PDE6A: variants seen among roughly 807,000 people sequenced by gnomAD.
PDE6A encodes the protein phosphodiesterase 6A.
In PDE6A, 84 loss-of-function variants were observed where a neutral mutation model predicts 106.3. The observed-to-expected ratio is 0.79, with a 90% confidence interval of 0.66 to 0.95. The LOEUF is 0.95. PDE6A is among the 40% of genes least tolerant of loss of function. The probability of loss-of-function intolerance (pLI) is 0.00; values close to 1 mark genes in which losing one functional copy is unlikely to be tolerated. For synonymous variants in PDE6A, 394 were observed against 386.6 expected (o/e 1.02, Z -0.23); for missense variants, 1,052 against 1,084.9 (o/e 0.97, Z 0.43).
chr5:149,944,592 A>T lies in PDE6A; in HGVS notation c.82T>A (p.Tyr28Asn). Residue 28 changes from tyrosine to asparagine, a missense_variant, in exon 1 of 22, where the codon TAC becomes AAC. Tyr to Asn is a moderately radical substitution (Grantham distance 143, BLOSUM62 -2). This residue lies in a region of PDE6A where 913 missense variants were observed against 915.2 expected (regional missense o/e 1.00). Transcript: ENST00000255266. The part of the protein sequence containing the change: ...GFAKQYYNLH[Y>N]RAKLISDLLG... ...AGGTCGGAGATGAGCTTGGCCCGGTAGTGGAGGTTGTAGTACTGTTTGGCA... is the reference window on the plus strand; with the variant it reads ...AGGTCGGAGATGAGCTTGGCCCGGTTGTGGAGGTTGTAGTACTGTTTGGCA... 4 of 1,614,004 alleles carry T rather than the reference A, an allele frequency of 2.5e-6. No homozygotes were observed. The highest frequency in any genetic ancestry group is 3.4e-6 in the Non-Finnish European group (4 of 1,179,990).
intron 13 of PDE6A, among the ~76,000 whole-genome samples, chr5:149,891,528 G>A (rs746801353): frequency 3.9e-5 from 6 of 152,136 alleles, no homozygotes; most frequent in Non-Finnish European, 7.3e-5. Flanking sequence ...GGGGCCAGGC[G>A]TGGTAACTCA....
chr5:149,873,523 G>C (rs1439736863), intron 17 of PDE6A, among the ~76,000 whole-genome samples: 1 of 151,948 alleles, frequency 6.6e-6, no homozygotes, highest in East Asian at 1.9e-4. Flanking sequence ...ATAGAGACAG[G>C]GTTTCATCAC....
chr5:149,884,919 A>T, intron 14 of PDE6A, 52 bp from the exon 15 acceptor site: 1 of 1,378,300 alleles, frequency 7.3e-7, no homozygotes, highest in East Asian at 2.3e-5. Context: ...GAAAATTAGG[A>T]CTAAACATCA....
intron 21 of PDE6A, among the ~76,000 whole-genome samples, chr5:149,861,240 C>T (rs1331431146): frequency 5.3e-5 from 8 of 152,262 alleles, no homozygotes; most frequent in Non-Finnish European, 1.0e-4. Context: ...ACATGACAAA[C>T]TAGAGACAGC....
At position 149,895,251 on chromosome 5, in the gene PDE6A, G is replaced by C. The variant is rs760233048; in HGVS notation, c.1660C>G (p.Arg554Gly). ...RFMYSLSKGY[R>G]KITYHNWRHG... ...CGCCAGTTGTGGTAGGTGATCTTGC[G>C]GTAGCCCTTACTCAGGGAGTACATG... The change falls in exon 13 of 22, where the codon CGC becomes GGC. Residue 554 changes from arginine (R) to glycine (G), a missense_variant. Transcript: ENST00000255266. The C allele has an allele frequency of 1.2e-6, 2 of 1,614,032 alleles. No homozygotes were observed. Among genetic ancestry groups the C allele is most frequent in the East Asian group, 2.2e-5 (1 of 44,880 alleles).
chr5:149,884,370 A>G (rs1761059154), intron 16 of PDE6A, 109 bp downstream of exon 16: 2 of 718,862 alleles, frequency 2.8e-6, no homozygotes, highest in Non-Finnish European at 5.0e-6. Flanking sequence ...ATATATGTAT[A>G]TATGTGTGTA....
chr5:149,870,404 T>C (rs1195092916), intron 17 of PDE6A, among the ~76,000 whole-genome samples: 1 of 152,222 alleles, frequency 6.6e-6, no homozygotes, highest in Non-Finnish European at 1.5e-5. Flanking sequence ...ACATGTTTAC[T>C]TACTGTCAGA....
chr5:149,903,785 GT>G, intron 7 of PDE6A, 90 bp from the exon 8 acceptor site: 1 of 957,896 alleles, frequency 1.0e-6, no homozygotes, highest in Non-Finnish European at 1.7e-6. Context: ...GAAACACCAT[GT>G]TCTTGTCCAA....
At chr5:149,881,080 A>G (rs777117780) in intron 17 of PDE6A, among the ~76,000 whole-genome samples, 5 of 152,168 alleles carry the variant, frequency 3.3e-5, no homozygotes, top group Non-Finnish European at 7.4e-5. Context: ...AGAAAAGAAA[A>G]GAAAAATCAA....
At position 149,867,809 on chromosome 5, in the gene PDE6A, AC is replaced by A. The variant is rs753158287; in HGVS notation, c.2200-11del. The A allele has an allele frequency of 1.6e-5, 25 of 1,611,436 alleles. No individual in the cohort carries two copies. The highest frequency in any genetic ancestry group is 2.1e-5 in the Non-Finnish European group (25 of 1,179,660). On this transcript the variant is annotated splice_polypyrimidine_tract_variant and intron_variant, in intron 18 of 21. Transcript: ENST00000255266. Reference sequence around the variant, plus strand: ...CCACCAGCAGAGCTACCTGCAACAGACAGACCCTCACACACGCAGAGTCAGA... The same window carrying A: ...CCACCAGCAGAGCTACCTGCAACAGAAGACCCTCACACACGCAGAGTCAGA...
intron 17 of PDE6A, among the ~76,000 whole-genome samples, chr5:149,871,299 G>A (rs1760542191): frequency 6.6e-6 from 1 of 152,192 alleles, no homozygotes; most frequent in African/African-American, 2.4e-5. Flanking sequence ...CAGAGATCTT[G>A]CAGATGTGCT....
At chr5:149,897,297 C>T (rs1053614248) in intron 10 of PDE6A, among the ~76,000 whole-genome samples, 1 of 152,166 alleles carries the variant, frequency 6.6e-6, no homozygotes, top group Non-Finnish European at 1.5e-5. Flanking sequence ...GGGCCTGTGT[C>T]CCCATGTGCC....
rs747210942 is a variant in PDE6A, at chr5:149,933,915, G to A, written c.717+15C>T. ...AGGACGAGTCAAGTCCATTCCCTTG[G>A]CCCAAGCCCCTTACCTGGCCACGTC... On this transcript the variant is annotated intron_variant, in intron 3 of 21. Transcript: ENST00000255266. The A allele has an allele frequency of 1.4e-5, 23 of 1,597,250 alleles. No homozygotes were observed. In the Admixed American group the frequency reaches 3.8e-4, roughly 27 times the overall value.
intron 8 of PDE6A, among the ~76,000 whole-genome samples, chr5:149,903,147 T>TAAAAAAAAAAAAA (rs373566897): frequency 2.0e-4 from 18 of 90,936 alleles, no homozygotes; most frequent in South Asian, 4.5e-4. Context: ...AGACCCTCTC[T>TAAAAAAAAAAAAA]AAAAAAAAAA....
intron 17 of PDE6A, among the ~76,000 whole-genome samples, chr5:149,882,051 AAAATAAATAAATAAAT>A (rs150887967): frequency 0.039 from 5,579 of 144,350 alleles, 133 homozygotes; most frequent in Admixed American, 0.06. Context: ...CCCTGTCTCA[AAAATAAATAAATAAAT>A]AAATAAATAA....
intron 5 of PDE6A, among the ~76,000 whole-genome samples, chr5:149,921,000 G>GAAAGAA: frequency 7.1e-6 from 1 of 141,294 alleles, no homozygotes; most frequent in East Asian, 2.1e-4. Flanking sequence ...GAAAGAAAAA[G>GAAAGAA]AAAGAAAATA....
intron 1 of PDE6A, among the ~76,000 whole-genome samples, chr5:149,943,580 C>T (rs928970511): frequency 7.2e-5 from 11 of 152,166 alleles, no homozygotes; most frequent in African/African-American, 9.6e-5. Flanking sequence ...CTCAGCCCTC[C>T]GAGTAGATGG....
chr5:149,889,417 TTTTA>T (rs1227847870), intron 13 of PDE6A, among the ~76,000 whole-genome samples: 3 of 151,876 alleles, frequency 2.0e-5, no homozygotes, highest in African/African-American at 4.8e-5. Context: ...CTTTCTGTAT[TTTTA>T]TTTATTTATT....
intron 17 of PDE6A, among the ~76,000 whole-genome samples, chr5:149,874,678 A>G (rs774380702): frequency 6.6e-5 from 10 of 152,158 alleles, no homozygotes; most frequent in Non-Finnish European, 1.3e-4. Context: ...CAAGCTTCAA[A>G]TGAAGGCTTG....
Sources: gnomAD v4.1 joint callset for allele counts (sites outside exome capture counted in the v4.1 genomes callset) on GRCh38, gnomAD v4.1.1 for gene constraint, gnomAD v4.1.1 regional missense constraint, MANE v1.5 for transcripts, NCBI Gene and HGNC (gene_info 2026-07-23, HGNC 2026-07-21) for gene names.